The following ZFAT variants were observed in gnomAD, a reference collection of about 807,000 sequenced individuals.
ZFAT encodes zinc finger protein ZFAT.
Under a neutral mutation model 117.7 loss-of-function variants are expected in ZFAT, and 64 were observed. The observed-to-expected ratio is 0.54, with a 90% confidence interval of 0.44 to 0.67. ZFAT has a LOEUF of 0.67. ZFAT is among the 30% of genes least tolerant of loss of function. The probability of loss-of-function intolerance (pLI) is 0.00; values close to 1 mark genes in which losing one functional copy is unlikely to be tolerated. For missense variants in ZFAT, 1,433 were observed against 1,584.5 expected (o/e 0.90, Z 1.62); for synonymous variants, 679 against 615.0 (o/e 1.10, Z -1.54).
intron 5 of ZFAT, among the ~76,000 whole-genome samples, chr8:134,607,928 G>C (rs1242785059): frequency 6.6e-6 from 1 of 152,194 alleles, no homozygotes; most frequent in Non-Finnish European, 1.5e-5. Flanking sequence ...TTAAGCACTA[G>C]GCACTCATAT....
At chr8:134,654,436 A>T (rs1330051411) in intron 2 of ZFAT, among the ~76,000 whole-genome samples, 2 of 152,218 alleles carry the variant, frequency 1.3e-5, no homozygotes, top group Admixed American at 6.5e-5. Context: ...GGGAAGTTTT[A>T]CAAGTGTGGG....
chr8:134,773,984 ATTTTTTTTTTTT>A, the ZFAT span, among the ~76,000 whole-genome samples: 1 of 103,300 alleles, frequency 9.7e-6, no homozygotes, highest in Admixed American at 1.1e-4. Flanking sequence ...TTGAGGATTA[ATTTTTTTTTTTT>A]TTTTTTTTTT....
chr8:134,483,918 G>A (rs540887769), intron 15 of ZFAT, among the ~76,000 whole-genome samples: 1 of 152,246 alleles, frequency 6.6e-6, no homozygotes, highest in South Asian at 2.1e-4. Flanking sequence ...TCTGCGGTGC[G>A]CCAGGCAGTG....
chr8:134,558,250 C>T (rs1823794495), intron 11 of ZFAT, among the ~76,000 whole-genome samples: 1 of 152,162 alleles, frequency 6.6e-6, no homozygotes, highest in African/African-American at 2.4e-5. Flanking sequence ...TGAGGTCCTC[C>T]CCAGCACCCC....
the ZFAT span, among the ~76,000 whole-genome samples, chr8:134,761,813 G>A: frequency 6.6e-6 from 1 of 151,906 alleles, no homozygotes; most frequent in Non-Finnish European, 1.5e-5. Context: ...ACAACAATAT[G>A]CACTTATTTT....
chr8:134,813,617 G>A, the ZFAT span, among the ~76,000 whole-genome samples: 1 of 152,240 alleles, frequency 6.6e-6, no homozygotes, highest in South Asian at 2.1e-4. Context: ...GTTTCACCAT[G>A]TTGGCCAGGC....
chr8:134,832,274 G>A, the ZFAT span, among the ~76,000 whole-genome samples: 1 of 151,808 alleles, frequency 6.6e-6, no homozygotes, highest in Non-Finnish European at 1.5e-5. Flanking sequence ...CTCGCCTTTA[G>A]TTTGACCTTT....
At chr8:134,624,155 C>G (rs1361906098) in intron 3 of ZFAT, among the ~76,000 whole-genome samples, 1 of 150,820 alleles carries the variant, frequency 6.6e-6, no homozygotes, top group Non-Finnish European at 1.5e-5. Flanking sequence ...TTCTCAGCCC[C>G]TAACGTGCAG....
intron 13 of ZFAT, among the ~76,000 whole-genome samples, chr8:134,518,197 A>C (rs1294119297): frequency 6.6e-6 from 1 of 152,150 alleles, no homozygotes; most frequent in Non-Finnish European, 1.5e-5. Context: ...TTTTGGAGGA[A>C]ATGCATAGTT....
At chr8:134,593,843 T>C (rs1400583243) in intron 7 of ZFAT, among the ~76,000 whole-genome samples, 6 of 152,238 alleles carry the variant, frequency 3.9e-5, no homozygotes, top group South Asian at 4.1e-4. Flanking sequence ...GCCCCTGTTA[T>C]GTGTCAGGCG....
At chr8:134,488,049 G>C (rs559800887) in intron 15 of ZFAT, among the ~76,000 whole-genome samples, 2 of 152,346 alleles carry the variant, frequency 1.3e-5, no homozygotes, top group East Asian at 3.9e-4. Context: ...ATAAGAGAGA[G>C]TTAGAGAGCG....
the ZFAT span, among the ~76,000 whole-genome samples, chr8:134,739,091 T>A: frequency 5.3e-5 from 8 of 152,304 alleles, no homozygotes; most frequent in South Asian, 1.7e-3. Context: ...TTCCCTTCCA[T>A]TTATCTTGTG....
chr8:134,742,695 C>G, the ZFAT span, among the ~76,000 whole-genome samples: 1 of 152,308 alleles, frequency 6.6e-6, no homozygotes, highest in South Asian at 2.1e-4. Flanking sequence ...GAGCTCTGGC[C>G]CCCTGTGCTC....
the ZFAT span, among the ~76,000 whole-genome samples, chr8:134,813,306 C>T: frequency 6.6e-6 from 1 of 152,206 alleles, no homozygotes; most frequent in Middle Eastern, 3.2e-3. Flanking sequence ...TGCCTTCTTC[C>T]TAAGGCCCAG....
chr8:134,510,356 G>A (rs1488341218), intron 14 of ZFAT, among the ~76,000 whole-genome samples: 7 of 152,120 alleles, frequency 4.6e-5, no homozygotes, highest in Non-Finnish European at 8.8e-5. Flanking sequence ...ATCTGCAACC[G>A]TCCTGAGCAC....
chr8:134,634,979 T>C (rs1311831848), intron 3 of ZFAT, among the ~76,000 whole-genome samples: 1 of 152,192 alleles, frequency 6.6e-6, no homozygotes, highest in Non-Finnish European at 1.5e-5. Flanking sequence ...GCACGCAACG[T>C]AGATCCCTGG....
intron 11 of ZFAT, among the ~76,000 whole-genome samples, chr8:134,548,049 T>G (rs547026994): frequency 6.6e-5 from 10 of 152,218 alleles, no homozygotes; most frequent in Non-Finnish European, 1.2e-4. Flanking sequence ...TGTTCCCTTG[T>G]GGCTCCAAGC....
chr8:134,740,302 C>T, the ZFAT span, among the ~76,000 whole-genome samples: 1 of 152,194 alleles, frequency 6.6e-6, no homozygotes, highest in African/African-American at 2.4e-5. Flanking sequence ...CTTAACCATC[C>T]TAAGTGCTAG....
At chr8:134,712,211 T>C (rs1055799987) in intron 1 of ZFAT, among the ~76,000 whole-genome samples, 23 of 152,314 alleles carry the variant, frequency 1.5e-4, no homozygotes, top group Admixed American at 5.9e-4. Flanking sequence ...CTGTGTAAAG[T>C]TGACCTCTCT....
Sources: gnomAD v4.1 joint callset for allele counts (sites outside exome capture counted in the v4.1 genomes callset) on GRCh38, gnomAD v4.1.1 for gene constraint, MANE v1.5 for transcripts, NCBI Gene and HGNC (gene_info 2026-07-23, HGNC 2026-07-21) for gene names.